The following ERBB4 variants were observed in gnomAD, a reference collection of about 807,000 sequenced individuals.
ERBB4 encodes the protein receptor tyrosine-protein kinase erbB-4.
Under a neutral mutation model 158.0 loss-of-function variants are expected in ERBB4, and 42 were observed. That is an observed-to-expected ratio of 0.27 (90% CI 0.21 to 0.34). The LOEUF is 0.34. ERBB4 is among the 10% of genes least tolerant of loss of function. The pLI, the probability that ERBB4 is intolerant of heterozygous loss-of-function variation, is 1.00. For missense variants in ERBB4, 1,333 were observed against 1,624.1 expected, an observed-to-expected ratio of 0.82 and a Z score of 3.08; for synonymous variants, 583 against 558.7, an observed-to-expected ratio of 1.04 and a Z score of -0.61.
chr2:211,411,408 C>T (rs1180578875), intron 25 of ERBB4, among the ~76,000 whole-genome samples: 2 of 152,092 alleles, frequency 1.3e-5, no homozygotes, highest in Admixed American at 6.5e-5. Flanking sequence ...TTTGATATCC[C>T]TGTAATTTCC....
chr2:211,627,587 G>A (rs957735211), intron 17 of ERBB4, among the ~76,000 whole-genome samples: 3 of 152,074 alleles, frequency 2.0e-5, no homozygotes, highest in Admixed American at 6.6e-5. Context: ...ATTCATTATC[G>A]GTATGCAAAA....
intron 25 of ERBB4, among the ~76,000 whole-genome samples, chr2:211,399,189 ATAATT>A (rs1440953172): frequency 6.6e-6 from 1 of 152,236 alleles, no homozygotes; most frequent in African/African-American, 2.4e-5. Context: ...CCCCATGTGA[ATAATT>A]TAACAACTGT....
chr2:212,140,422 TTA>T (rs59116532), intron 1 of ERBB4, among the ~76,000 whole-genome samples: 5,588 of 146,864 alleles, frequency 0.038, 258 homozygotes, highest in African/African-American at 0.11. Flanking sequence ...TATATATATG[TTA>T]TATATATATA....
chr2:211,639,143 A>C (rs2070474497), intron 16 of ERBB4, among the ~76,000 whole-genome samples: 2 of 152,178 alleles, frequency 1.3e-5, no homozygotes, highest in Non-Finnish European at 2.9e-5. Flanking sequence ...ACAATATCAT[A>C]TATCTATATA....
intron 2 of ERBB4, among the ~76,000 whole-genome samples, chr2:212,105,114 A>T (rs1200227433): frequency 1.3e-5 from 2 of 152,234 alleles, no homozygotes; most frequent in East Asian, 3.8e-4. Context: ...CCACTGTTCC[A>T]CAAATACCTC....
intron 22 of ERBB4, among the ~76,000 whole-genome samples, chr2:211,426,810 GATATA>G (rs564130792): frequency 1.5e-3 from 223 of 150,984 alleles, no homozygotes; most frequent in African/African-American, 5.1e-3. Flanking sequence ...TATACTATAT[GATATA>G]ATATATAAAT....
chr2:211,463,458 T>C (rs1249163024), intron 20 of ERBB4, among the ~76,000 whole-genome samples: 1 of 152,178 alleles, frequency 6.6e-6, no homozygotes, highest in East Asian at 1.9e-4. Context: ...AAGCATGCAG[T>C]CTGCTGTAGC....
At chr2:211,410,273 G>A (rs1233271087) in intron 25 of ERBB4, among the ~76,000 whole-genome samples, 2 of 152,056 alleles carry the variant, frequency 1.3e-5, no homozygotes, top group African/African-American at 2.4e-5. Flanking sequence ...CTCTTTTCCC[G>A]AATTGGAGGT....
At chr2:211,522,218 G>T (rs777910512) in intron 20 of ERBB4, among the ~76,000 whole-genome samples, 66 of 152,166 alleles carry the variant, frequency 4.3e-4, no homozygotes, top group Non-Finnish European at 8.4e-4. Context: ...ATTCATGGGA[G>T]GAGGTCAAAA....
intron 2 of ERBB4, among the ~76,000 whole-genome samples, chr2:211,963,635 C>T (rs1244483552): frequency 1.3e-5 from 2 of 151,962 alleles, no homozygotes; most frequent in Non-Finnish European, 2.9e-5. Context: ...CCTCTTTTCT[C>T]TTTCTCTCTG....
chr2:212,127,744 C>G (rs748961954), intron 1 of ERBB4, among the ~76,000 whole-genome samples: 2 of 152,064 alleles, frequency 1.3e-5, no homozygotes, highest in Non-Finnish European at 2.9e-5. Context: ...GAAAATACCA[C>G]GTGCACACAA....
At chr2:212,024,710 C>A (rs1251910431) in intron 2 of ERBB4, among the ~76,000 whole-genome samples, 4 of 151,902 alleles carry the variant, frequency 2.6e-5, no homozygotes, top group Non-Finnish European at 5.9e-5. Context: ...GTGGATAAAT[C>A]ATGTGACATA....
chr2:211,509,125 T>G (rs924301090), intron 20 of ERBB4, among the ~76,000 whole-genome samples: 1 of 148,506 alleles, frequency 6.7e-6, no homozygotes, highest in Non-Finnish European at 1.5e-5. Context: ...TAAGTGGGAG[T>G]TGAACAATGA....
At chr2:212,317,745 C>T (rs1299721489) in intron 1 of ERBB4, among the ~76,000 whole-genome samples, 1 of 151,342 alleles carries the variant, frequency 6.6e-6, no homozygotes, top group Non-Finnish European at 1.5e-5. Flanking sequence ...TCAAAGCATA[C>T]AGATATAAAG....
At chr2:212,526,238 A>G (rs1470741527) in intron 1 of ERBB4, among the ~76,000 whole-genome samples, 11 of 152,014 alleles carry the variant, frequency 7.2e-5, no homozygotes, top group Admixed American at 6.6e-4. Flanking sequence ...AATTTGCCAA[A>G]CAAAATTAGC....
chr2:211,709,250 T>C (rs10182128), intron 9 of ERBB4, among the ~76,000 whole-genome samples: 46,090 of 124,080 alleles, frequency 0.37, 9,357 homozygotes, highest in Non-Finnish European at 0.49. Flanking sequence ...TATATATATA[T>C]ACACATATAT....
At chr2:211,478,442 C>T (rs1024191346) in intron 20 of ERBB4, among the ~76,000 whole-genome samples, 11 of 152,122 alleles carry the variant, frequency 7.2e-5, no homozygotes, top group African/African-American at 2.7e-4. Flanking sequence ...CAAAAGGAAT[C>T]ACAGATTCTT....
chr2:211,998,570 A>C (rs565617603), intron 2 of ERBB4, among the ~76,000 whole-genome samples: 101 of 151,236 alleles, frequency 6.7e-4, no homozygotes, highest in African/African-American at 2.4e-3. Context: ...CCTTGACCTG[A>C]AATCAGCGTA....
intron 5 of ERBB4, among the ~76,000 whole-genome samples, chr2:211,728,505 G>A (rs1461305491): frequency 2.0e-5 from 3 of 151,468 alleles, no homozygotes; most frequent in Non-Finnish European, 4.4e-5. Context: ...TTTTTTAAAG[G>A]AAACACTTTT....
Sources: allele counts gnomAD v4.1 joint callset (sites outside exome capture counted in the v4.1 genomes callset), GRCh38; gene constraint gnomAD v4.1.1; transcripts MANE v1.5; gene names NCBI Gene and HGNC (gene_info 2026-07-23, HGNC 2026-07-21).